Variants in CNTNAP2 observed in about 807,000 individuals in gnomAD.
CNTNAP2 encodes contactin-associated protein-like 2.
A neutral mutation model predicts 155.2 loss-of-function variants in CNTNAP2; 98 were observed. The ratio of observed to expected loss-of-function variants is 0.63; its 90% CI spans 0.54 to 0.75. The LOEUF (loss-of-function observed/expected upper bound fraction) is 0.75. Among genes scored for constraint, CNTNAP2 ranks in the 30% least tolerant of loss-of-function variants. CNTNAP2 has a pLI of 0.00. For missense variants in CNTNAP2, 1,727 were observed against 1,688.1 expected (o/e 1.02, Z -0.40); for synonymous variants, 651 against 631.2 (o/e 1.03, Z -0.47).
intron 13 of CNTNAP2, among the ~76,000 whole-genome samples, chr7:147,643,040 T>TTA (rs374302375): frequency 4.6e-4 from 70 of 152,290 alleles, no homozygotes; most frequent in African/African-American, 1.6e-3. Context: ...CTCCCAGGCT[T>TTA]TGATAGAGCT....
At chr7:147,333,060 T>A (rs1207208919) in intron 9 of CNTNAP2, among the ~76,000 whole-genome samples, 2 of 152,148 alleles carry the variant, frequency 1.3e-5, no homozygotes, top group African/African-American at 2.4e-5. Flanking sequence ...TCAAATTTAT[T>A]TGACCCTTTT....
chr7:146,878,091 G>A (rs936605047), intron 3 of CNTNAP2, among the ~76,000 whole-genome samples: 3 of 152,020 alleles, frequency 2.0e-5, no homozygotes, highest in Non-Finnish European at 2.9e-5. Context: ...ATGGGCCAAC[G>A]TCCCCTAATT....
rs369574765 is a variant in CNTNAP2, at chr7:146,531,336, A to G, written c.98-242935A>G. Among the ~76,000 whole-genome samples, 7 of 152,258 alleles carry G rather than the reference A, an allele frequency of 4.6e-5. No individual in the cohort carries two copies. The East Asian group carries it at 1.2e-3, about 25-fold the overall frequency. On this transcript the variant is annotated intron_variant, in intron 1 of 23. Coordinates refer to ENST00000361727, the MANE Select transcript of CNTNAP2 (RefSeq NM_014141.6). ...ACCCCTGCGAACAAACAATTTACATATGTAACAAACCTGTACATGTTCCCC... is the reference window on the plus strand; with the variant it reads ...ACCCCTGCGAACAAACAATTTACATGTGTAACAAACCTGTACATGTTCCCC...
chr7:146,351,035 G>C (rs1014173322), intron 1 of CNTNAP2, among the ~76,000 whole-genome samples: 1 of 121,786 alleles, frequency 8.2e-6, no homozygotes. Flanking sequence ...GTTGTGGGGT[G>C]GGGGGAGGGT....
intron 10 of CNTNAP2, 98 bp downstream of exon 10, chr7:147,395,878 T>A (rs1349751488): frequency 1.8e-5 from 24 of 1,337,722 alleles, no homozygotes; most frequent in Non-Finnish European, 2.6e-5. Context: ...AAATTAAAGT[T>A]AAAAACAGGT....
chr7:148,323,239 G>A (rs946211352), intron 21 of CNTNAP2, among the ~76,000 whole-genome samples: 13 of 147,778 alleles, frequency 8.8e-5, no homozygotes, highest in South Asian at 6.4e-4. Flanking sequence ...GAACCGACTG[G>A]CTTAAAAATC....
intron 1 of CNTNAP2, among the ~76,000 whole-genome samples, chr7:146,598,223 A>G (rs990525575): frequency 2.0e-5 from 3 of 152,092 alleles, no homozygotes; most frequent in African/African-American, 7.2e-5. Context: ...AGATGTCAAC[A>G]CAGCAATTGT....
Position 146,557,819 on chromosome 7 carries a change from A to C in CNTNAP2, c.98-216452A>C, listed in dbSNP as rs116423230. 4.6e-3 allele frequency among the ~76,000 whole-genome samples: 697 copies of C among 152,278 alleles called. 5 individuals are homozygous for C. Among genetic ancestry groups the C allele is most frequent in the African/African-American group, 0.016 (650 of 41,556 alleles). On this transcript the variant is annotated intron_variant, in intron 1 of 23. Coordinates refer to ENST00000361727, the MANE Select transcript of CNTNAP2 (RefSeq NM_014141.6). ...AATTTAATTTTGTTGTTTACAATTG[A>C]TACATTTATTTTTGATATCCTTTGG...
At chr7:147,285,860 G>T (rs557259978) in intron 8 of CNTNAP2, among the ~76,000 whole-genome samples, 2 of 152,084 alleles carry the variant, frequency 1.3e-5, no homozygotes, top group East Asian at 1.9e-4. Context: ...GCCTATATTT[G>T]GGATGACTTC....
At chr7:147,787,838 CTT>C (rs1166694166) in intron 13 of CNTNAP2, among the ~76,000 whole-genome samples, 2 of 152,152 alleles carry the variant, frequency 1.3e-5, no homozygotes, top group Admixed American at 6.5e-5. Context: ...TAAAACAACA[CTT>C]AATGCATATG....
At chr7:147,115,876 G>T (rs1267329657) in intron 5 of CNTNAP2, among the ~76,000 whole-genome samples, 1 of 152,122 alleles carries the variant, frequency 6.6e-6, no homozygotes, top group Non-Finnish European at 1.5e-5. Flanking sequence ...CAATCATTTG[G>T]AGGAAAAGGG....
intron 3 of CNTNAP2, among the ~76,000 whole-genome samples, chr7:146,848,074 T>C (rs960448704): frequency 3.3e-5 from 5 of 152,134 alleles, no homozygotes; most frequent in African/African-American, 1.2e-4. Context: ...TGGTTAGCCA[T>C]GAAAGGACAA....
chr7:146,512,734 A>G (rs1339308888), intron 1 of CNTNAP2, among the ~76,000 whole-genome samples: 1 of 151,944 alleles, frequency 6.6e-6, no homozygotes, highest in African/African-American at 2.4e-5. Context: ...AAAGTATTCC[A>G]TGTACTGATG....
intron 1 of CNTNAP2, among the ~76,000 whole-genome samples, chr7:146,494,340 AAAATAAATAAATAAAAAT>A (rs1390685636): frequency 6.6e-6 from 1 of 150,930 alleles, no homozygotes; most frequent in African/African-American, 2.4e-5. Flanking sequence ...TGTCTCAAAA[AAAATAAATAAATAAAAAT>A]AAATAAATAA....
intron 1 of CNTNAP2, among the ~76,000 whole-genome samples, chr7:146,358,812 A>G (rs971161248): frequency 6.6e-6 from 1 of 152,226 alleles, no homozygotes; most frequent in Non-Finnish European, 1.5e-5. Context: ...AACAGAATCT[A>G]CAAATGAGAA....
At chr7:148,243,250 T>C (rs1796193222) in intron 20 of CNTNAP2, among the ~76,000 whole-genome samples, 1 of 152,076 alleles carries the variant, frequency 6.6e-6, no homozygotes, top group Admixed American at 6.5e-5. Context: ...GTTACCAACA[T>C]CATAGCTTCT....
intron 21 of CNTNAP2, among the ~76,000 whole-genome samples, chr7:148,369,181 C>CTTTTTTTTTT (rs376460265): frequency 5.4e-5 from 5 of 92,306 alleles, no homozygotes; most frequent in African/African-American, 9.3e-5. Flanking sequence ...AATTGAATCC[C>CTTTTTTTTTT]TTTTTTTTTT....
chr7:147,493,919 C>T (rs998627251), intron 11 of CNTNAP2, among the ~76,000 whole-genome samples: 2 of 152,114 alleles, frequency 1.3e-5, no homozygotes, highest in Non-Finnish European at 2.9e-5. Context: ...TGAGGTGATG[C>T]AACTTCAGCA....
chr7:147,996,820 T>TCAA (rs1801811124), intron 15 of CNTNAP2, among the ~76,000 whole-genome samples: 1 of 152,226 alleles, frequency 6.6e-6, no homozygotes, highest in South Asian at 2.1e-4. Context: ...AACAAAAGGC[T>TCAA]CAATCAGTCA....
Sources: gnomAD v4.1 joint callset for allele counts (sites outside exome capture counted in the v4.1 genomes callset) on GRCh38, gnomAD v4.1.1 for gene constraint, MANE v1.5 for transcripts, NCBI Gene and HGNC (gene_info 2026-07-23, HGNC 2026-07-21) for gene names.